LPA: variants seen among roughly 807,000 people sequenced by gnomAD.
The protein encoded by LPA is lipoprotein(a).
In LPA, 199 loss-of-function variants were observed where a neutral mutation model predicts 197.9. The observed-to-expected ratio is 1.01, with a 90% CI of 0.90 to 1.13. The LOEUF (loss-of-function observed/expected upper bound fraction) is 1.13, where lower values mean the gene tolerates loss of function less well. LPA is among the 50% of genes most tolerant of loss of function. The probability of loss-of-function intolerance (pLI) is 0.00; values close to 1 mark genes in which losing one functional copy is unlikely to be tolerated. For missense variants in LPA, 1,853 were observed against 1,785.8 expected (o/e 1.04, Z -0.68); for synonymous variants, 715 against 639.5 (o/e 1.12, Z -1.78).
At chr6:160,565,686 G>A (rs1296757993) in intron 28 of LPA, among the ~76,000 whole-genome samples, 1 of 152,170 alleles carries the variant, frequency 6.6e-6, no homozygotes, top group Admixed American at 6.5e-5. Flanking sequence ...ACTTTGATGA[G>A]TTGAGAGAAG....
chr6:160,654,008 TATATTATATATA>T lies in LPA; in HGVS notation c.50-3523_50-3512del, dbSNP rs1562354742. On this transcript the variant is annotated intron_variant, in intron 1 of 38. Coordinates refer to ENST00000316300, the MANE Select transcript of LPA (RefSeq NM_005577.4). ...TATATAATATATATTATATATAATA[TATATTATATATA>T]ATATATAATATATATTATATATAAT... Among the ~76,000 whole-genome samples the T allele has an allele frequency of 9.2e-4, 8 of 8,676 alleles. 1 individual carries two copies. Among genetic ancestry groups the T allele is most frequent in the Non-Finnish European group, 1.2e-3 (6 of 4,896 alleles). The allele number at this position is 8,676 out of a possible 152,430, so 5.7% of individuals were successfully genotyped here.
intron 26 of LPA, among the ~76,000 whole-genome samples, chr6:160,581,992 A>G (rs1339578459): frequency 6.6e-6 from 1 of 152,030 alleles, no homozygotes; most frequent in African/African-American, 2.4e-5. Context: ...ATATGGTATT[A>G]TTTTTCTTCT....
Position 160,611,616 on chromosome 6 carries a change from C to G in LPA, c.2549G>C (p.Trp850Ser). 1 of 1,598,118 alleles carries G rather than the reference C, an allele frequency of 6.3e-7. No individual in the cohort carries two copies. Among genetic ancestry groups the G allele is most frequent in the Non-Finnish European group, 8.5e-7 (1 of 1,176,800 alleles). The change falls in exon 16 of 39, where the codon TGG becomes TCG. Residue 850 changes from tryptophan to serine, a missense_variant. This residue lies in a region of LPA where 1,737 missense variants were observed against 1,504.4 expected (regional missense o/e 1.15). Transcript: ENST00000316300. ...ATGCGAGTGTGGTGTCATAGATGAC[C>G]AAGCTTGGCAGGTTCTTCCAGTGAC... ...TTVTGRTCQA[W>S]SSMTPHSHSR...
At chr6:160,565,077 G>C (rs1393858496) in intron 28 of LPA, among the ~76,000 whole-genome samples, 1 of 152,230 alleles carries the variant, frequency 6.6e-6, no homozygotes, top group Non-Finnish European at 1.5e-5. Context: ...GCCTGCCTCT[G>C]TAGACTCCAC....
intron 16 of LPA, among the ~76,000 whole-genome samples, 165 bp downstream of exon 16, chr6:160,611,397 T>C (rs556103007): frequency 1.5e-4 from 23 of 151,510 alleles, no homozygotes; most frequent in Middle Eastern, 3.4e-3. Context: ...TTAACATTTC[T>C]CTTCTCTCAG....
intron 19 of LPA, among the ~76,000 whole-genome samples, chr6:160,600,393 G>A (rs1183140442): frequency 3.9e-5 from 6 of 152,048 alleles, no homozygotes; most frequent in East Asian, 3.9e-4. Flanking sequence ...AACCTGCCTC[G>A]GACTGAAAAA....
intron 26 of LPA, among the ~76,000 whole-genome samples, chr6:160,580,951 T>A (rs1208369105): frequency 6.6e-6 from 1 of 151,456 alleles, no homozygotes; most frequent in African/African-American, 2.4e-5. Flanking sequence ...TTACAGTTAG[T>A]GTTTTCTGGT....
chr6:160,560,903 A>T (rs1778349953), intron 28 of LPA, among the ~76,000 whole-genome samples: 1 of 150,732 alleles, frequency 6.6e-6, no homozygotes, highest in Non-Finnish European at 1.5e-5. Context: ...CTAGGGTTTG[A>T]TTTTTTGTTT....
At chr6:160,615,382 G>C (rs1779578513) in intron 14 of LPA, among the ~76,000 whole-genome samples, 1 of 129,404 alleles carries the variant, frequency 7.7e-6, no homozygotes, top group African/African-American at 3.0e-5. Flanking sequence ...GTGTGTGTGT[G>C]TGTAGCTCAT....
intron 19 of LPA, among the ~76,000 whole-genome samples, chr6:160,600,424 G>A (rs745587542): frequency 2.0e-5 from 3 of 152,044 alleles, no homozygotes; most frequent in Non-Finnish European, 2.9e-5. Context: ...ATAGAGCTTC[G>A]GGAGCTCATG....
intron 18 of LPA, among the ~76,000 whole-genome samples, chr6:160,601,340 A>C (rs757806005): frequency 1.4e-4 from 22 of 152,252 alleles, no homozygotes; most frequent in South Asian, 4.1e-4. Context: ...TCCTAGAAAC[A>C]CTGAGATTAT....
chr6:160,539,185 T>C (rs954457973), intron 36 of LPA, among the ~76,000 whole-genome samples: 3 of 152,152 alleles, frequency 2.0e-5, no homozygotes, highest in East Asian at 3.9e-4. Flanking sequence ...CCTGTCTGCA[T>C]TGACACCCTG....
At chr6:160,585,423 A>G (rs10085279) in intron 25 of LPA, among the ~76,000 whole-genome samples, 9,196 of 152,240 alleles carry the variant, frequency 0.06, 959 homozygotes, top group African/African-American at 0.21. Flanking sequence ...CTGGAAAACA[A>G]ACAAACAAAG....
intron 20 of LPA, among the ~76,000 whole-genome samples, chr6:160,597,472 G>A (rs892216656): frequency 2.2e-4 from 33 of 152,174 alleles, no homozygotes; most frequent in African/African-American, 7.2e-4. Context: ...GTGTGGGTGT[G>A]TGCACGTGTG....
intron 19 of LPA, 103 bp downstream of exon 19, chr6:160,600,814 A>T: frequency 7.6e-7 from 1 of 1,322,832 alleles, no homozygotes; most frequent in Non-Finnish European, 1.1e-6. Flanking sequence ...CAGAACCAAC[A>T]CACGAGAACC....
intron 22 of LPA, 118 bp from the exon 23 acceptor site, chr6:160,591,219 A>G: frequency 7.9e-7 from 1 of 1,268,198 alleles, no homozygotes; most frequent in Non-Finnish European, 1.1e-6. Flanking sequence ...TATTCTCACT[A>G]AAGGTCCTGT....
chr6:160,584,485 C>A (rs376670390), intron 26 of LPA, among the ~76,000 whole-genome samples: 1 of 151,766 alleles, frequency 6.6e-6, no homozygotes, highest in Non-Finnish European at 1.5e-5. Flanking sequence ...GTACCCACCA[C>A]CATGACCGGC....
chr6:160,593,895 G>A (rs1408191664), intron 22 of LPA, 63 bp downstream of exon 22: 1 of 1,574,154 alleles, frequency 6.4e-7, no homozygotes, highest in East Asian at 2.2e-5. Flanking sequence ...TTGGAAGCAT[G>A]GCCCTTCCAA....
In LPA at chr6:160,592,864, C is replaced by T. The variant is rs527683805; in HGVS notation, c.3629+1094G>A. Among the ~76,000 whole-genome samples the T allele has an allele frequency of 4.6e-5, 7 of 152,266 alleles. No individual in the cohort carries two copies. In the South Asian group the frequency reaches 1.2e-3, roughly 27 times the overall value. ...ATGCCCAAGATGTTCAGTGAGGTGT[C>T]TCTCCTCTGAGTGGTCAGAACTCAA... is the stretch of plus-strand genomic sequence containing the variant. On this transcript the variant is annotated intron_variant, in intron 22 of 38. Coordinates refer to ENST00000316300, the MANE Select transcript of LPA (RefSeq NM_005577.4).
Sources: gnomAD v4.1 joint callset for allele counts (sites outside exome capture counted in the v4.1 genomes callset) on GRCh38, gnomAD v4.1.1 for gene constraint, gnomAD v4.1.1 regional missense constraint, MANE v1.5 for transcripts, NCBI Gene and HGNC (gene_info 2026-07-23, HGNC 2026-07-21) for gene names.